Variants in PSMA1 observed in about 807,000 individuals in gnomAD.
PSMA1 encodes proteasome 20S subunit alpha 1.
Under a neutral mutation model 38.4 loss-of-function variants are expected in PSMA1, and 3 were observed. The observed-to-expected ratio is 0.08, with a 90% CI of 0.04 to 0.20. The LOEUF is 0.20. PSMA1 is among the 10% of genes least tolerant of loss of function. The pLI is 1.00. For synonymous variants in PSMA1, 101 were observed against 107.1 expected (o/e 0.94, Z 0.35); for missense variants, 227 against 325.3 (o/e 0.70, Z 2.32).
intron 2 of PSMA1, among the ~76,000 whole-genome samples, chr11:14,590,619 AAC>A (rs1852401687): frequency 6.6e-6 from 1 of 152,174 alleles, no homozygotes; most frequent in Non-Finnish European, 1.5e-5. Flanking sequence ...TGAAATGGGT[AAC>A]ACTCTCTTCT....
At chr11:14,523,248 A>G (rs1284072323), upstream of PSMA1, among the ~76,000 whole-genome samples, 3 of 152,148 alleles carry the variant, frequency 2.0e-5, no homozygotes, top group Admixed American at 2.0e-4. Flanking sequence ...TTGGCTCAAG[A>G]TACATCGTTA....
At position 14,505,262 on chromosome 11, in the gene PSMA1, G is replaced by GA. The variant is rs1565030066; in HGVS notation, c.736-15dup. 7 of 1,606,178 alleles carry GA rather than the reference G, an allele frequency of 4.4e-6. No homozygotes were observed. The highest frequency in any genetic ancestry group is 6.0e-6 in the Non-Finnish European group (7 of 1,173,628). On this transcript the variant is annotated splice_polypyrimidine_tract_variant and intron_variant, in intron 9 of 9. Transcript: ENST00000396394. The stretch of plus-strand genomic sequence containing the variant: ...AGGTTGAGCAGGCTTAACAGGGAAA[G>GA]AAAAAAAGAAAATATGTAAAATGAA...
At chr11:14,588,220 T>C (rs1852371771) in intron 2 of PSMA1, among the ~76,000 whole-genome samples, 2 of 152,216 alleles carry the variant, frequency 1.3e-5, no homozygotes, top group African/African-American at 4.8e-5. Context: ...GGCGCTCTGC[T>C]GGTTTTGAAT....
chr11:14,562,443 C>T (rs1234294540), intron 2 of PSMA1, among the ~76,000 whole-genome samples: 1 of 152,196 alleles, frequency 6.6e-6, no homozygotes, highest in Non-Finnish European at 1.5e-5. Flanking sequence ...GTCTTTAGCC[C>T]AGACATCTTT....
At chr11:14,571,065 T>A (rs890660341) in intron 2 of PSMA1, among the ~76,000 whole-genome samples, 1 of 151,868 alleles carries the variant, frequency 6.6e-6, no homozygotes, top group Non-Finnish European at 1.5e-5. Flanking sequence ...CATTCTTTTT[T>A]GTTTTGTTTT....
At chr11:14,575,722 G>A (rs1042748751) in intron 2 of PSMA1, among the ~76,000 whole-genome samples, 64 of 152,194 alleles carry the variant, frequency 4.2e-4, no homozygotes, top group South Asian at 2.1e-4. Flanking sequence ...ATAAACATAC[G>A]TGTGCATGTG....
At chr11:14,557,274 T>C (rs999078397) in intron 2 of PSMA1, among the ~76,000 whole-genome samples, 9 of 152,214 alleles carry the variant, frequency 5.9e-5, no homozygotes, top group African/African-American at 1.9e-4. Context: ...AGTCTCACTC[T>C]GTCACCAGGC....
intron 2 of PSMA1, among the ~76,000 whole-genome samples, chr11:14,582,562 C>T (rs146681945): frequency 6.6e-6 from 1 of 152,136 alleles, no homozygotes; most frequent in African/African-American, 2.4e-5. Context: ...TCTATCACCA[C>T]GCTGGAGTAT....
At chr11:14,536,110 A>G (rs1851703601) in intron 2 of PSMA1, among the ~76,000 whole-genome samples, 1 of 152,248 alleles carries the variant, frequency 6.6e-6, no homozygotes, top group Non-Finnish European at 1.5e-5. Flanking sequence ...CAGGTTTTGG[A>G]GCCAGACATT....
rs184363344 is a variant in PSMA1, at chr11:14,596,656, G to C, written c.21+14310C>G. ...AAGGAGATTTTGGGCTGAGACGATG[G>C]GGTTTTCTAAATATACAATCATGTC... is the stretch of plus-strand genomic sequence containing the variant. On this transcript the variant is annotated intron_variant, in intron 2 of 10. Transcript: ENST00000418988. Among the ~76,000 whole-genome samples the C allele has an allele frequency of 3.9e-4, 59 of 152,274 alleles. No individual in the cohort carries two copies. The East Asian group carries it at 8.7e-3, about 22-fold the overall frequency.
chr11:14,524,346 T>C (rs549393729), upstream of PSMA1, among the ~76,000 whole-genome samples: 177 of 152,158 alleles, frequency 1.2e-3, 1 homozygote, highest in Non-Finnish European at 1.8e-3. Flanking sequence ...AACTGAAGAT[T>C]CACAAAAGAA....
intron 2 of PSMA1, among the ~76,000 whole-genome samples, chr11:14,585,543 G>C (rs1852334404): frequency 6.6e-6 from 1 of 152,182 alleles, no homozygotes; most frequent in Non-Finnish European, 1.5e-5. Flanking sequence ...CTAAGCCTAT[G>C]TTCTCAGTAA....
intron 2 of PSMA1, among the ~76,000 whole-genome samples, chr11:14,537,681 T>C (rs1851725391): frequency 6.6e-6 from 1 of 150,410 alleles, no homozygotes; most frequent in South Asian, 2.1e-4. Flanking sequence ...TTTAAAGACC[T>C]AAAGGCAATT....
chr11:14,518,063 G>T, intron 2 of PSMA1, 82 bp from the exon 3 acceptor site: 3 of 1,005,576 alleles, frequency 3.0e-6, no homozygotes, highest in Non-Finnish European at 2.9e-6. Flanking sequence ...TATCAGGTGA[G>T]CACAGTTAAA....
At chr11:14,591,595 C>G (rs1262199299) in intron 2 of PSMA1, among the ~76,000 whole-genome samples, 1 of 152,140 alleles carries the variant, frequency 6.6e-6, no homozygotes, top group Non-Finnish European at 1.5e-5. Context: ...CAATCAGCAC[C>G]CTGTGTCTAG....
intron 2 of PSMA1, among the ~76,000 whole-genome samples, chr11:14,571,766 C>T (rs867448288): frequency 2.0e-5 from 3 of 152,056 alleles, no homozygotes; most frequent in African/African-American, 7.2e-5. Context: ...ATTCAGGAGA[C>T]CTATCTCACA....
chr11:14,578,336 G>A (rs1209321076), intron 2 of PSMA1, among the ~76,000 whole-genome samples: 1 of 152,182 alleles, frequency 6.6e-6, no homozygotes, highest in South Asian at 2.1e-4. Flanking sequence ...GGCTGGGCTT[G>A]AGAGTGTCAG....
intron 2 of PSMA1, among the ~76,000 whole-genome samples, chr11:14,545,106 T>C (rs1851812101): frequency 6.6e-6 from 1 of 152,346 alleles, no homozygotes; most frequent in East Asian, 1.9e-4. Flanking sequence ...ATAGTGAAGA[T>C]TGCATAATTC....
chr11:14,518,291 C>T (rs764147142), intron 2 of PSMA1, among the ~76,000 whole-genome samples: 49 of 151,870 alleles, frequency 3.2e-4, no homozygotes, highest in Non-Finnish European at 5.6e-4. Context: ...TTGTAGAGTC[C>T]GGGTTTCATG....
Sources: gnomAD v4.1 joint callset for allele counts (sites outside exome capture counted in the v4.1 genomes callset) on GRCh38, gnomAD v4.1.1 for gene constraint, MANE v1.5 for transcripts, NCBI Gene and HGNC (gene_info 2026-07-23, HGNC 2026-07-21) for gene names.